The following MAPK11 variants were observed in gnomAD, a reference collection of about 807,000 sequenced individuals.
The protein encoded by MAPK11 is MAP kinase 11.
In MAPK11, 44 loss-of-function variants were observed where a neutral mutation model predicts 52.2. The ratio of observed to expected loss-of-function variants is 0.84; its 90% CI spans 0.66 to 1.08. The LOEUF is 1.08. Among genes scored for constraint, MAPK11 ranks in the 50% least tolerant of loss-of-function variants. The pLI is 0.00. For missense variants in MAPK11, 436 were observed against 494.7 expected (o/e 0.88, Z 1.13); for synonymous variants, 233 against 206.3 (o/e 1.13, Z -1.11).
rs2065299923 is a variant in MAPK11 at position 50,270,353 on chromosome 22, C to G, written c.-61G>C. ...CCGCGCCCCGCGCCCGCGCCCGAGC[C>G]GAGCCCGAGCCGAGCGGAGCGGAGG... On this transcript the variant is annotated 5_prime_UTR_variant, in exon 1 of 12. Coordinates refer to ENST00000330651, the MANE Select transcript of MAPK11 (RefSeq NM_002751.7). The surrounding 1 kb of genome is among the most constrained non-coding windows in gnomAD (Gnocchi z 6.3). 1.8e-5 allele frequency: 11 copies of G among 620,276 alleles called. No individual in the cohort carries two copies. Among genetic ancestry groups the G allele is most frequent in the Non-Finnish European group, 2.3e-5 (11 of 485,498 alleles). The allele number at this position is 620,276 out of a possible 1,614,324, so 38.4% of individuals were successfully genotyped here.
At chr22:50,267,198 C>A (rs202118978) in intron 5 of MAPK11, 24 bp from the exon 6 acceptor site, 139 of 1,610,648 alleles carry the variant, frequency 8.6e-5, no homozygotes, top group Non-Finnish European at 1.4e-5. Flanking sequence ...GGAGCGTGAG[C>A]ACAGGAGGCT....
chr22:50,269,754 C>T (rs1487968168), intron 1 of MAPK11, among the ~76,000 whole-genome samples: 2 of 152,206 alleles, frequency 1.3e-5, no homozygotes, highest in South Asian at 2.1e-4. Flanking sequence ...AGACAATAGC[C>T]CCCAGCCCGG....
intron 1 of MAPK11, among the ~76,000 whole-genome samples, chr22:50,269,767 G>T (rs1279929202): frequency 1.3e-5 from 2 of 152,304 alleles, no homozygotes; most frequent in Admixed American, 1.3e-4. Context: ...CAGCCCGGGC[G>T]GGGGAGGGTC....
At position 50,270,017 on chromosome 22, in the gene MAPK11, A is replaced by AC. The variant is rs1369254158; in HGVS notation, c.116+159dup. ...GCTTGGAAAGTTTCTTTACGCCGCC[A>AC]CCCCCGCCCCCCCATTCATTCCTCA... On this transcript the variant is annotated intron_variant, in intron 1 of 11. Coordinates refer to ENST00000330651, the MANE Select transcript of MAPK11 (RefSeq NM_002751.7). This position sits in a 1 kb window ranked among gnomAD's most constrained non-coding sequence, Gnocchi z 6.3. Among the ~76,000 whole-genome samples the AC allele has an allele frequency of 7.5e-6, 1 of 132,926 alleles. No individual in the cohort carries two copies. Among genetic ancestry groups the AC allele is most frequent in the Admixed American group, 7.5e-5 (1 of 13,410 alleles). 87.2% of individuals were successfully genotyped at this position (132,926 alleles called of 152,430 possible).
At chr22:50,265,278 C>A in intron 11 of MAPK11, 43 bp downstream of exon 11, 7 of 1,599,374 alleles carry the variant, frequency 4.4e-6, no homozygotes, top group Non-Finnish European at 5.1e-6. Flanking sequence ...GGAAATGGAG[C>A]CCGCAGGCCC....
chr22:50,265,110 C>T (rs1371622470), intron 11 of MAPK11, 83 bp from the exon 12 acceptor site: 1 of 1,321,736 alleles, frequency 7.6e-7, no homozygotes, highest in Admixed American at 1.9e-5. Flanking sequence ...CCACCCAGCC[C>T]AGGCCCACCA....
In MAPK11 at chr22:50,265,397, G is replaced by A. The variant is rs149295438; in HGVS notation, c.939C>T (p.Asp313=). 1.2e-6 allele frequency: 2 copies of A among 1,613,056 alleles called. No homozygotes were observed. The highest frequency in any genetic ancestry group is 1.7e-6 in the Non-Finnish European group (2 of 1,180,020). ...GCTCGGCCTCTGGCTCATCCTCGGG[G>A]TCGTGGTACTGGCTGAAGTAGGCGT... The part of the protein sequence containing the change: ...LAHAYFSQYH[D]PEDEPEAEPY... The change falls in exon 11 of 12, where the codon GAC becomes GAT. Residue 313 remains aspartate, a synonymous_variant. Coordinates refer to ENST00000330651, the MANE Select transcript of MAPK11 (RefSeq NM_002751.7).
intron 8 of MAPK11, 74 bp from the exon 9 acceptor site, chr22:50,266,379 G>T: frequency 6.9e-7 from 1 of 1,458,636 alleles, no homozygotes. Context: ...ACTTTGGGGC[G>T]CTGCCCAGAG....
At chr22:50,267,721 T>A in intron 2 of MAPK11, 94 bp from the exon 3 acceptor site, 8 of 1,294,950 alleles carry the variant, frequency 6.2e-6, no homozygotes, top group Non-Finnish European at 8.2e-6. Flanking sequence ...CCGCGCCCCC[T>A]GTGTCCCCGC....
At chr22:50,266,875 C>T (rs760747) in intron 7 of MAPK11, 59 bp downstream of exon 7, 348,932 of 1,489,530 alleles carry the variant, frequency 0.23, 42,844 homozygotes, top group Admixed American at 0.36. Context: ...GCATGCAGAG[C>T]CAGTCGAGGG....
chr22:50,268,528 A>G (rs2065284424), intron 1 of MAPK11, among the ~76,000 whole-genome samples: 2 of 152,190 alleles, frequency 1.3e-5, no homozygotes, highest in South Asian at 4.1e-4. Flanking sequence ...CGTCAGCTGG[A>G]CCCACAGAAC....
chr22:50,265,207 C>A, intron 11 of MAPK11, 114 bp downstream of exon 11: 1 of 1,437,970 alleles, frequency 7.0e-7, no homozygotes, highest in Non-Finnish European at 9.6e-7. Context: ...GTGCTGGACA[C>A]CTGAACGCCC....
rs199575518 is a variant in MAPK11 at position 50,266,545 on chromosome 22, C to A, written c.677G>T (p.Ser226Ile). ...CCAACCTGGGCCAAGGATACAGTCG[C>A]TTCCCGGGAAGAGGGCCTTGCCCTG... is the stretch of plus-strand genomic sequence containing the variant. Reference protein sequence around the residue: ...LLQGKALFPGSDYIDQLKRIM... With the variant: ...LLQGKALFPGIDYIDQLKRIM... The change falls in exon 8 of 12, where the codon AGC becomes ATC. Residue 226 changes from serine (S) to isoleucine (I), a missense_variant. Physicochemically the swap from Ser to Ile is moderately radical, Grantham distance 142 (BLOSUM62 -2). Transcript: ENST00000330651. 6 of 1,518,232 alleles carry A rather than the reference C, an allele frequency of 4.0e-6. No homozygotes were observed. The South Asian group carries it at 4.0e-5, about 10-fold the overall frequency. The allele number at this position is 1,518,232 out of a possible 1,614,324, so 94.0% of individuals were successfully genotyped here.
Position 50,264,562 on chromosome 22 carries a change from G to C in MAPK11, c.*386C>G, listed in dbSNP as rs2065247325. ...GGTCCCGGCCCCAGCGCGTCCTCCA[G>C]AAAGCCCTGGGACAGAAGAGAGCCC... On this transcript the variant is annotated 3_prime_UTR_variant, in exon 12 of 12. Coordinates refer to ENST00000330651, the MANE Select transcript of MAPK11 (RefSeq NM_002751.7). 5.8e-6 allele frequency: 1 copy of C among 171,468 alleles called. No homozygotes were observed. Among genetic ancestry groups the C allele is most frequent in the African/African-American group, 2.4e-5 (1 of 41,994 alleles). The allele number at this position is 171,468 out of a possible 1,614,324, so 10.6% of individuals were successfully genotyped here.
chr22:50,266,390 C>A, intron 8 of MAPK11, 85 bp from the exon 9 acceptor site: 2 of 1,450,954 alleles, frequency 1.4e-6, no homozygotes, highest in Non-Finnish European at 1.9e-6. Flanking sequence ...CTGCCCAGAG[C>A]CCGCTCTCCT....
chr22:50,266,900 T>TGGCCTTCGTCCCCCCAA (rs1239689353), intron 7 of MAPK11, 34 bp downstream of exon 7: 32 of 1,576,128 alleles, frequency 2.0e-5, no homozygotes, highest in Non-Finnish European at 2.6e-5. Flanking sequence ...ACGAGGCCCT[T>TGGCCTTCGTCCCCCCAA]GGCCTTCGTC....
Position 50,264,831 on chromosome 22 carries a change from G to A in MAPK11, c.*117C>T, listed in dbSNP as rs960327106. On this transcript the variant is annotated 3_prime_UTR_variant, in exon 12 of 12. Transcript: ENST00000330651. ...TTCTCCTGAAGGCGAGGGGTCCTAG[G>A]CCAGAAGTCTGTGACCATAGGAGTG... 2.8e-6 allele frequency: 2 copies of A among 708,216 alleles called. No homozygotes were observed. Among genetic ancestry groups the A allele is most frequent in the Admixed American group, 2.7e-5 (1 of 36,366 alleles). 43.9% of individuals were successfully genotyped at this position (708,216 alleles called of 1,614,324 possible).
At chr22:50,267,673 T>C in intron 2 of MAPK11, 46 bp from the exon 3 acceptor site, 1 of 1,493,256 alleles carries the variant, frequency 6.7e-7, no homozygotes, top group Non-Finnish European at 8.9e-7. Flanking sequence ...CCCCCGGCTG[T>C]CGTTCAGCTC....
At chr22:50,267,086 G>A (rs370223620) in intron 6 of MAPK11, 38 bp from the exon 7 acceptor site, 6 of 1,611,176 alleles carry the variant, frequency 3.7e-6, no homozygotes, top group Admixed American at 3.3e-5. Context: ...CTCCGCACGG[G>A]CTCCGCCGCC....
Sources: gnomAD v4.1 joint callset for allele counts (sites outside exome capture counted in the v4.1 genomes callset) on GRCh38, gnomAD v4.1.1 for gene constraint, Gnocchi (gnomAD v3.1) non-coding constraint, MANE v1.5 for transcripts, NCBI Gene and HGNC (gene_info 2026-07-23, HGNC 2026-07-21) for gene names.